The following TNR variants were observed in gnomAD, a reference collection of about 807,000 sequenced individuals.
The protein encoded by TNR is tenascin-R.
TNR carries 45 observed loss-of-function variants against 150.4 expected under a neutral mutation model. That is an observed-to-expected ratio of 0.30 (90% CI 0.24 to 0.38). The LOEUF (loss-of-function observed/expected upper bound fraction) is 0.38, where lower values mean the gene tolerates loss of function less well. Ranked by LOEUF, TNR falls within the 10% of genes least tolerant of loss-of-function variation. The pLI, the probability that TNR is intolerant of heterozygous loss-of-function variation, is 1.00. For missense variants in TNR, 1,544 were observed against 1,759.1 expected (o/e 0.88, Z 2.19); for synonymous variants, 687 against 678.4 (o/e 1.01, Z -0.20).
intron 1 of TNR, among the ~76,000 whole-genome samples, chr1:175,570,158 C>A (rs1295445718): frequency 6.6e-6 from 1 of 152,196 alleles, no homozygotes; most frequent in Non-Finnish European, 1.5e-5. Context: ...CTTCTTTCAT[C>A]CCCGCTCCTT....
At chr1:175,669,240 T>C (rs1313866430) in intron 1 of TNR, among the ~76,000 whole-genome samples, 1 of 152,226 alleles carries the variant, frequency 6.6e-6, no homozygotes, top group Non-Finnish European at 1.5e-5. Context: ...ACAGTCCTGC[T>C]CCAGCTGGAA....
intron 2 of TNR, among the ~76,000 whole-genome samples, chr1:175,432,015 C>T (rs953949854): frequency 1.3e-5 from 2 of 148,452 alleles, no homozygotes; most frequent in African/African-American, 5.1e-5. Context: ...GTTTCCCCAG[C>T]TGGCAAGATA....
intron 18 of TNR, among the ~76,000 whole-genome samples, chr1:175,351,534 C>T (rs1316098424): frequency 1.3e-5 from 2 of 152,206 alleles, no homozygotes; most frequent in Non-Finnish European, 2.9e-5. Flanking sequence ...TCAGAGACCC[C>T]TCTTCTGTGC....
chr1:175,582,000 A>G (rs1662368087), intron 1 of TNR, among the ~76,000 whole-genome samples: 1 of 152,226 alleles, frequency 6.6e-6, no homozygotes, highest in Non-Finnish European at 1.5e-5. Context: ...TCTAGGATTC[A>G]TCAAAAGGAT....
At chr1:175,626,712 T>G (rs998155747) in intron 1 of TNR, among the ~76,000 whole-genome samples, 8 of 152,232 alleles carry the variant, frequency 5.3e-5, no homozygotes, top group Admixed American at 2.0e-4. Context: ...TTGTGGTAGA[T>G]TCAATGCTGG....
At position 175,381,126 on chromosome 1, in the gene TNR, G is replaced by C. The variant is rs1253288898; in HGVS notation, c.1778-1389C>G. On this transcript the variant is annotated intron_variant, in intron 8 of 22. Coordinates refer to ENST00000367674, the MANE Select transcript of TNR (RefSeq NM_003285.3). ...ATACTATGTATTCTTGACGTGTTATGTGTGTTATTTCTCCAGCAGTTGGAT... is the reference window on the plus strand; with the variant it reads ...ATACTATGTATTCTTGACGTGTTATCTGTGTTATTTCTCCAGCAGTTGGAT... 2.6e-5 allele frequency among the ~76,000 whole-genome samples: 4 copies of C among 152,318 alleles called. No homozygotes were observed. The East Asian group carries it at 7.7e-4, about 29-fold the overall frequency.
chr1:175,485,513 G>A (rs1657974714), intron 2 of TNR, among the ~76,000 whole-genome samples: 1 of 152,126 alleles, frequency 6.6e-6, no homozygotes, highest in African/African-American at 2.4e-5. Flanking sequence ...CAATTTCAGG[G>A]TCCTCAAATT....
At chr1:175,457,306 G>A (rs1476028) in intron 2 of TNR, among the ~76,000 whole-genome samples, 27,144 of 152,192 alleles carry the variant, frequency 0.18, 2,672 homozygotes, top group Admixed American at 0.28. Context: ...GATGTGTTGG[G>A]AGGGGCTCCA....
chr1:175,362,513 G>T, intron 14 of TNR, 150 bp downstream of exon 14: 3 of 877,288 alleles, frequency 3.4e-6, no homozygotes, highest in East Asian at 2.7e-5. Context: ...TTGGGGGAGA[G>T]AAATTGCAAA....
intron 1 of TNR, among the ~76,000 whole-genome samples, chr1:175,579,165 T>TTTCC (rs60083467): frequency 0.29 from 39,164 of 134,218 alleles, 6,019 homozygotes; most frequent in Admixed American, 0.36. Flanking sequence ...TCGTTCCTTC[T>TTTCC]TTCCTTCCTT....
chr1:175,597,818 A>C (rs1338055343), intron 1 of TNR, among the ~76,000 whole-genome samples: 3 of 152,226 alleles, frequency 2.0e-5, no homozygotes, highest in African/African-American at 7.2e-5. Flanking sequence ...GGGAAGAATG[A>C]ATTTTAATAA....
chr1:175,601,774 T>C (rs1663245821), intron 1 of TNR, among the ~76,000 whole-genome samples: 1 of 152,200 alleles, frequency 6.6e-6, no homozygotes, highest in Non-Finnish European at 1.5e-5. Flanking sequence ...ACTATCTCTA[T>C]AGTTTATTTC....
At position 175,598,604 on chromosome 1, in the gene TNR, G is replaced by A. The variant is rs188017042; in HGVS notation, c.-164-70235C>T. On this transcript the variant is annotated intron_variant, in intron 1 of 22. Transcript: ENST00000367674. The stretch of plus-strand genomic sequence containing the variant: ...GCATGCGTGAAATGGCATGGTGACT[G>A]TGAGAATCCAAATTCTAAAAGGTTA... Among the ~76,000 whole-genome samples the A allele has an allele frequency of 2.2e-3, 334 of 152,340 alleles. 3 individuals carry two copies. The highest frequency in any genetic ancestry group is 7.9e-4 in the Non-Finnish European group (54 of 68,028).
At chr1:175,739,024 T>A (rs1667850570) in intron 1 of TNR, among the ~76,000 whole-genome samples, 2 of 152,210 alleles carry the variant, frequency 1.3e-5, no homozygotes, top group Non-Finnish European at 2.9e-5. Flanking sequence ...ACTTTGGCTG[T>A]CTTCTAACTT....
intron 1 of TNR, among the ~76,000 whole-genome samples, chr1:175,645,592 T>C (rs1407770763): frequency 6.6e-6 from 1 of 152,226 alleles, no homozygotes; most frequent in Non-Finnish European, 1.5e-5. Flanking sequence ...ATGTTCTTCA[T>C]GTGGCTGATT....
chr1:175,697,454 A>C (rs1286104628), intron 1 of TNR, among the ~76,000 whole-genome samples: 1 of 152,076 alleles, frequency 6.6e-6, no homozygotes, highest in Non-Finnish European at 1.5e-5. Flanking sequence ...TGAATACAGA[A>C]ATACATCATC....
At chr1:175,656,236 T>C (rs1665173419) in intron 1 of TNR, among the ~76,000 whole-genome samples, 1 of 151,466 alleles carries the variant, frequency 6.6e-6, no homozygotes, top group African/African-American at 2.4e-5. Flanking sequence ...TCCATCAGTT[T>C]GCCAATCTCT....
At chr1:175,605,989 T>A (rs983469279) in intron 1 of TNR, among the ~76,000 whole-genome samples, 5 of 152,206 alleles carry the variant, frequency 3.3e-5, no homozygotes, top group Admixed American at 1.3e-4. Context: ...AAAATCCTGA[T>A]ACAAAGCTGA....
At chr1:175,639,438 G>A (rs1024151122) in intron 1 of TNR, among the ~76,000 whole-genome samples, 1 of 152,190 alleles carries the variant, frequency 6.6e-6, no homozygotes, top group African/African-American at 2.4e-5. Flanking sequence ...ACGGCGTGCT[G>A]AGTGCTCTCA....
Sources: gnomAD v4.1 joint callset for allele counts (sites outside exome capture counted in the v4.1 genomes callset) on GRCh38, gnomAD v4.1.1 for gene constraint, MANE v1.5 for transcripts, NCBI Gene and HGNC (gene_info 2026-07-23, HGNC 2026-07-21) for gene names.